The following ERC2 variants were observed in gnomAD, a reference collection of about 807,000 sequenced individuals.
ERC2 encodes the protein ERC protein 2.
In ERC2, 42 loss-of-function variants were observed where a neutral mutation model predicts 114.8. That is an observed-to-expected ratio of 0.37 (90% CI 0.29 to 0.47). The LOEUF (loss-of-function observed/expected upper bound fraction) is 0.47. Ranked by LOEUF, ERC2 falls within the 20% of genes least tolerant of loss-of-function variation. The probability of loss-of-function intolerance (pLI) is 0.99; values close to 1 mark genes in which losing one functional copy is unlikely to be tolerated. For synonymous variants in ERC2, 454 were observed against 425.5 expected (o/e 1.07, Z -0.82); for missense variants, 939 against 1,150.7 (o/e 0.82, Z 2.66).
At chr3:55,692,845 T>C (rs141231296) in intron 16 of ERC2, among the ~76,000 whole-genome samples, 48 of 152,362 alleles carry the variant, frequency 3.2e-4, no homozygotes, top group African/African-American at 1.1e-3. Context: ...ATCATTTTAC[T>C]GTATCTTAAA....
chr3:56,033,185 G>C (rs933676569), intron 7 of ERC2, among the ~76,000 whole-genome samples: 7 of 152,008 alleles, frequency 4.6e-5, no homozygotes, highest in Admixed American at 1.3e-4. Flanking sequence ...TCAGCCCAAG[G>C]GTTCAAGACC....
At chr3:55,539,121 A>T (rs1248650574) in intron 17 of ERC2, among the ~76,000 whole-genome samples, 1 of 152,200 alleles carries the variant, frequency 6.6e-6, no homozygotes, top group Admixed American at 6.5e-5. Flanking sequence ...AAAACCTGGA[A>T]GTGGGTCCAT....
intron 6 of ERC2, among the ~76,000 whole-genome samples, chr3:56,119,272 T>TA (rs2079437279): frequency 6.6e-6 from 1 of 152,228 alleles, no homozygotes; most frequent in South Asian, 2.1e-4. Context: ...GAAATCTTGT[T>TA]AAAGTGTTGC....
At chr3:56,371,641 A>C (rs1474324445) in intron 2 of ERC2, among the ~76,000 whole-genome samples, 1 of 152,220 alleles carries the variant, frequency 6.6e-6, no homozygotes, top group Non-Finnish European at 1.5e-5. Context: ...AAAGAGGGCC[A>C]CTTTTCAGTG....
intron 6 of ERC2, among the ~76,000 whole-genome samples, chr3:56,087,163 T>A (rs1256015335): frequency 2.0e-5 from 3 of 146,798 alleles, no homozygotes; most frequent in Non-Finnish European, 3.0e-5. Flanking sequence ...GAATTGCTCA[T>A]TTCCTTTTGA....
At chr3:56,217,744 C>T (rs1346188376) in intron 3 of ERC2, among the ~76,000 whole-genome samples, 1 of 152,216 alleles carries the variant, frequency 6.6e-6, no homozygotes, top group African/African-American at 2.4e-5. Flanking sequence ...AACTATGCTA[C>T]AAGGCTACAG....
rs143926244 is a variant in ERC2, at chr3:56,001,722, T to C, written c.2061+5459A>G. The stretch of plus-strand genomic sequence containing the variant: ...TGACAGGGAGAGTGAACTCCTAGCA[T>C]GGTCCTGGTATATTTTTGCTGCTGC... On this transcript the variant is annotated intron_variant, in intron 10 of 17. Transcript: ENST00000288221. Among the ~76,000 whole-genome samples the C allele has an allele frequency of 3.1e-3, 469 of 152,234 alleles. 1 individual carries two copies. The highest frequency in any genetic ancestry group is 0.011 in the African/African-American group (445 of 41,546).
intron 2 of ERC2, among the ~76,000 whole-genome samples, chr3:56,339,254 G>A (rs916438992): frequency 1.3e-5 from 2 of 152,146 alleles, no homozygotes; most frequent in Non-Finnish European, 1.5e-5. Flanking sequence ...CAGAAGTGGC[G>A]CACCTTAACC....
intron 3 of ERC2, among the ~76,000 whole-genome samples, chr3:56,210,093 T>C (rs1287412935): frequency 6.6e-6 from 1 of 152,220 alleles, no homozygotes; most frequent in Non-Finnish European, 1.5e-5. Context: ...CAAGTAAAAC[T>C]CCTGATCTCA....
At chr3:56,353,166 T>C (rs551567445) in intron 2 of ERC2, among the ~76,000 whole-genome samples, 63 of 152,120 alleles carry the variant, frequency 4.1e-4, no homozygotes, top group African/African-American at 1.4e-3. Context: ...TTAGAAACCC[T>C]TAGACCTGCT....
intron 7 of ERC2, among the ~76,000 whole-genome samples, chr3:56,039,109 T>C (rs747884660): frequency 9.9e-5 from 15 of 152,102 alleles, no homozygotes; most frequent in Non-Finnish European, 4.4e-5. Flanking sequence ...ACCAGCCTAA[T>C]TGCAAATAAA....
intron 17 of ERC2, among the ~76,000 whole-genome samples, chr3:55,523,568 C>T (rs1480434625): frequency 6.6e-6 from 1 of 152,170 alleles, no homozygotes; most frequent in Non-Finnish European, 1.5e-5. Context: ...ACAATTTCTC[C>T]CCCCTCTCCC....
At chr3:55,555,150 C>T (rs62251508) in intron 17 of ERC2, among the ~76,000 whole-genome samples, 8,574 of 152,200 alleles carry the variant, frequency 0.056, 328 homozygotes, top group Middle Eastern at 0.085. Context: ...CTAAAAGGAC[C>T]ATAAAGGGCA....
Position 56,296,202 on chromosome 3 carries a change from G to A in ERC2, c.891C>T (p.Thr297=). 1.2e-6 allele frequency: 2 copies of A among 1,613,962 alleles called. No individual in the cohort carries two copies. Among genetic ancestry groups the A allele is most frequent in the Non-Finnish European group, 1.7e-6 (2 of 1,179,886 alleles). Residue 297 remains threonine (T), a synonymous_variant, in exon 3 of 18, where the codon ACC becomes ACT. Transcript: ENST00000288221. Reference sequence around the variant, plus strand: ...TAATTGACTCATCTCGGGCATTGAGGGTTTGTTTCTGCGTTTCAATTCTCA... The same window carrying A: ...TAATTGACTCATCTCGGGCATTGAGAGTTTGTTTCTGCGTTTCAATTCTCA... The part of the protein sequence containing the change: ...MELRIETQKQ[T]LNARDESIKK...
At chr3:56,087,897 A>G (rs1198589171) in intron 6 of ERC2, among the ~76,000 whole-genome samples, 1 of 152,198 alleles carries the variant, frequency 6.6e-6, no homozygotes, top group Admixed American at 6.6e-5. Context: ...CATAATGTAC[A>G]CAGTCTCCAA....
intron 7 of ERC2, among the ~76,000 whole-genome samples, chr3:56,076,750 G>A (rs1324671460): frequency 3.3e-5 from 5 of 152,098 alleles, no homozygotes; most frequent in Non-Finnish European, 7.4e-5. Flanking sequence ...GGGGTTTTCT[G>A]TTTATTCAGC....
chr3:55,895,683 G>A (rs2063808766), intron 13 of ERC2, among the ~76,000 whole-genome samples: 1 of 152,124 alleles, frequency 6.6e-6, no homozygotes, highest in Non-Finnish European at 1.5e-5. Context: ...CATAGCACCA[G>A]TATCCACACT....
At chr3:55,989,949 C>G (rs1327301156) in intron 11 of ERC2, among the ~76,000 whole-genome samples, 1 of 152,142 alleles carries the variant, frequency 6.6e-6, no homozygotes, top group African/African-American at 2.4e-5. Flanking sequence ...TCAGGAAACC[C>G]ATATTACAGT....
At chr3:56,346,981 T>A (rs1416096334) in intron 2 of ERC2, among the ~76,000 whole-genome samples, 1 of 152,166 alleles carries the variant, frequency 6.6e-6, no homozygotes. Context: ...AGGCCCTACC[T>A]CTCAACACTG....
Sources: gnomAD v4.1 joint callset for allele counts (sites outside exome capture counted in the v4.1 genomes callset) on GRCh38, gnomAD v4.1.1 for gene constraint, MANE v1.5 for transcripts, NCBI Gene and HGNC (gene_info 2026-07-23, HGNC 2026-07-21) for gene names.